Variants in STAT5B observed in about 807,000 individuals in gnomAD.
The protein encoded by STAT5B is signal transducer and activator of transcription 5B.
In STAT5B, 21 loss-of-function variants were observed where a neutral mutation model predicts 107.8. That is an observed-to-expected ratio of 0.19 (90% confidence interval 0.14 to 0.28). The LOEUF (loss-of-function observed/expected upper bound fraction) is 0.28. STAT5B is among the 10% of genes least tolerant of loss of function. The pLI is 1.00. For synonymous variants in STAT5B, 325 were observed against 401.7 expected (o/e 0.81, Z 2.28); for missense variants, 565 against 1,008.2 (o/e 0.56, Z 5.95).
chr17:42,220,704 C>T (rs185439452), intron 5 of STAT5B, among the ~76,000 whole-genome samples: 6 of 152,120 alleles, frequency 3.9e-5, no homozygotes, highest in South Asian at 4.2e-4. Context: ...AAAGGGAGGC[C>T]GAAGGGAGGC....
chr17:42,246,854 C>T lies in STAT5B; in HGVS notation c.-10-14717G>A, dbSNP rs117969058. On this transcript the variant is annotated intron_variant, in intron 1 of 18. Coordinates refer to ENST00000293328, the MANE Select transcript of STAT5B (RefSeq NM_012448.4). ...GAACACAACTGGCTTACGTGAAGGC[C>T]GTTGACAGTTCAAGAGTAACAATTC... Among the ~76,000 whole-genome samples the T allele has an allele frequency of 3.2e-4, 49 of 152,280 alleles. No individual in the cohort carries two copies. In the East Asian group the frequency reaches 6.0e-3, roughly 19 times the overall value.
At chr17:42,226,320 A>T (rs2080271811) in intron 3 of STAT5B, among the ~76,000 whole-genome samples, 1 of 152,218 alleles carries the variant, frequency 6.6e-6, no homozygotes, top group Non-Finnish European at 1.5e-5. Flanking sequence ...TTAAAGAGAC[A>T]TGATGACTAG....
the STAT5B span, among the ~76,000 whole-genome samples, chr17:42,285,675 T>C: frequency 8.5e-5 from 13 of 152,216 alleles, 1 homozygote; most frequent in Middle Eastern, 6.8e-3. Flanking sequence ...AAACCCCAAA[T>C]TTGACATTTC....
intron 5 of STAT5B, among the ~76,000 whole-genome samples, chr17:42,222,831 G>A (rs1002884168): frequency 4.0e-5 from 6 of 151,642 alleles, no homozygotes; most frequent in African/African-American, 9.7e-5. Flanking sequence ...ACATGCATGC[G>A]CCACTGGGAT....
At chr17:42,284,859 C>G in the STAT5B span, among the ~76,000 whole-genome samples, 1 of 152,204 alleles carries the variant, frequency 6.6e-6, no homozygotes, top group African/African-American at 2.4e-5. Flanking sequence ...CAGCTTTGGG[C>G]AGGTTTCTTT....
At chr17:42,225,722 T>A (rs374650424) in intron 3 of STAT5B, among the ~76,000 whole-genome samples, 1 of 152,222 alleles carries the variant, frequency 6.6e-6, no homozygotes, top group Non-Finnish European at 1.5e-5. Context: ...TTCTGTCATA[T>A]CTTTATTTCT....
intron 1 of STAT5B, among the ~76,000 whole-genome samples, chr17:42,242,447 CA>C (rs1369248167): frequency 6.6e-6 from 1 of 152,148 alleles, no homozygotes; most frequent in African/African-American, 2.4e-5. Flanking sequence ...ATCTGGCGGA[CA>C]ATGCCTTAAC....
In STAT5B at chr17:42,202,425, C is replaced by T. The variant is rs551009906; in HGVS notation, c.2152G>A (p.Ala718Thr). 7 of 1,614,216 alleles carry T rather than the reference C, an allele frequency of 4.3e-6. No homozygotes were observed. The African/African-American group carries it at 8.0e-5, about 18-fold the overall frequency. The change falls in exon 18 of 19, where the codon GCC becomes ACC. Residue 718 changes from alanine (A) to threonine (T), a missense_variant. By Grantham distance (58) the Ala-to-Thr change is moderately conservative (BLOSUM62 0). Coordinates refer to ENST00000293328, the MANE Select transcript of STAT5B (RefSeq NM_012448.4). ...VPEFVNASAD[A>T]GGGSATYMDQ... ...ATGTACGTGGCGCTGCCGCCCCCGG[C>T]ATCTGCAGATGCGTTCACAAACCTG...
Position 42,200,832 on chromosome 17 carries a change from G to T in STAT5B, c.*906C>A. 1 of 377,220 alleles carries T rather than the reference G, an allele frequency of 2.7e-6. No homozygotes were observed. Among genetic ancestry groups the T allele is most frequent in the South Asian group, 1.5e-4 (1 of 6,856 alleles). 23.4% of individuals were successfully genotyped at this position (377,220 alleles called of 1,614,324 possible). ...CTGTGCATCCGCTGGCTCAGAGAAA[G>T]GCTGGGCAGCCGGAACAGCAGCTTC... is the stretch of plus-strand genomic sequence containing the variant. On this transcript the variant is annotated 3_prime_UTR_variant, in exon 19 of 19. Coordinates refer to ENST00000293328, the MANE Select transcript of STAT5B (RefSeq NM_012448.4).
intron 1 of STAT5B, among the ~76,000 whole-genome samples, chr17:42,244,092 CTT>C (rs201312693): frequency 2.8e-4 from 39 of 140,694 alleles, no homozygotes; most frequent in Non-Finnish European, 2.6e-4. Context: ...CTTTTCTTTT[CTT>C]TTTTTTTTTT....
chr17:42,201,791 C>G lies in STAT5B; in HGVS notation c.2311G>C (p.Glu771Gln). 1.2e-6 allele frequency: 2 copies of G among 1,614,120 alleles called. No homozygotes were observed. Among genetic ancestry groups the G allele is most frequent in the Non-Finnish European group, 1.7e-6 (2 of 1,180,020 alleles). ...CTGTCCATTGGCCGGCCCAGGAGCT[C>G]CTCCACACGCCGCGCTACGTCCATT... ...DTMDVARRVE[E>Q]LLGRPMDSQW... Residue 771 changes from glutamate to glutamine, a missense_variant, in exon 19 of 19, where the codon GAG (glutamate) becomes CAG (glutamine). Glu to Gln is a conservative substitution (Grantham distance 29, BLOSUM62 2). Transcript: ENST00000293328.
chr17:42,221,629 G>A lies in STAT5B; in HGVS notation c.550+1753C>T, dbSNP rs773454890. 6.9e-4 allele frequency among the ~76,000 whole-genome samples: 105 copies of A among 152,148 alleles called. 1 individual carries two copies. The highest frequency in any genetic ancestry group is 1.4e-3 in the Non-Finnish European group (92 of 68,028). On this transcript the variant is annotated intron_variant, in intron 5 of 18. Transcript: ENST00000293328. ...TAGGAATAGCCATCCCAAATCTTCC[G>A]TTTCCATTCTCTGAAGGAGCTGCCC...
At chr17:42,262,948 G>A (rs750586003) in intron 1 of STAT5B, among the ~76,000 whole-genome samples, 9,762 of 49,226 alleles carry the variant, frequency 0.2, 1,010 homozygotes, top group East Asian at 0.37. Flanking sequence ...ATATATGTGT[G>A]TGTGTGTGTG....
chr17:42,210,613 T>C, intron 13 of STAT5B, 116 bp from the exon 14 acceptor site: 1 of 973,242 alleles, frequency 1.0e-6, no homozygotes, highest in Non-Finnish European at 1.6e-6. Context: ...GTCAGAGGCA[T>C]ACAAATATCC....
intron 1 of STAT5B, among the ~76,000 whole-genome samples, chr17:42,269,026 T>C (rs2080699167): frequency 6.6e-6 from 1 of 152,144 alleles, no homozygotes; most frequent in Non-Finnish European, 1.5e-5. Context: ...AAAATCCCAC[T>C]CCTTCAAAAA....
intron 1 of STAT5B, among the ~76,000 whole-genome samples, chr17:42,249,264 G>A (rs992096376): frequency 1.3e-5 from 2 of 152,022 alleles, no homozygotes; most frequent in African/African-American, 4.8e-5. Flanking sequence ...GTGGTGGCGC[G>A]TGACTGTAAT....
At chr17:42,236,935 G>C (rs960037653) in intron 1 of STAT5B, among the ~76,000 whole-genome samples, 1 of 152,028 alleles carries the variant, frequency 6.6e-6, no homozygotes, top group East Asian at 1.9e-4. Context: ...GCTTATTTAC[G>C]GGCAGCTCCA....
chr17:42,283,202 A>T, the STAT5B span, among the ~76,000 whole-genome samples: 1 of 152,150 alleles, frequency 6.6e-6, no homozygotes, highest in East Asian at 1.9e-4. Flanking sequence ...CAGCGGGAAG[A>T]GCGGCCTGAT....
At chr17:42,266,625 A>G (rs1325060700) in intron 1 of STAT5B, among the ~76,000 whole-genome samples, 1 of 151,606 alleles carries the variant, frequency 6.6e-6, no homozygotes, top group Non-Finnish European at 1.5e-5. Context: ...CTGTAATCCC[A>G]ATACTGTGGA....
Sources: allele counts gnomAD v4.1 joint callset (sites outside exome capture counted in the v4.1 genomes callset), GRCh38; gene constraint gnomAD v4.1.1; transcripts MANE v1.5; gene names NCBI Gene and HGNC (gene_info 2026-07-23, HGNC 2026-07-21).